Variants in RAB26 observed in about 807,000 individuals in gnomAD.
RAB26 encodes ras-related protein Rab-26.
Under a neutral mutation model 33.1 loss-of-function variants are expected in RAB26, and 39 were observed. That is an observed-to-expected ratio of 1.18 (90% CI 0.91 to 1.54). The LOEUF (loss-of-function observed/expected upper bound fraction) is 1.54. Ranked by LOEUF, RAB26 falls within the 40% of genes most tolerant of loss-of-function variation. The pLI is 0.00. For synonymous variants in RAB26, 192 were observed against 151.9 expected (o/e 1.26, Z -1.94); for missense variants, 468 against 362.9 (o/e 1.29, Z -2.35).
At chr16:2,151,529 C>G (rs763469131) in intron 2 of RAB26, 40 bp from the exon 3 acceptor site, 5 of 1,612,556 alleles carry the variant, frequency 3.1e-6, no homozygotes, top group South Asian at 1.1e-5. Flanking sequence ...AGAGGCTGGG[C>G]TGGGCCCATG....
chr16:2,150,472 C>G (rs1024584111), intron 2 of RAB26, among the ~76,000 whole-genome samples: 1 of 151,878 alleles, frequency 6.6e-6, no homozygotes, highest in Admixed American at 6.6e-5. Flanking sequence ...CGCCCACCCC[C>G]ACCCCCACCA....
intron 7 of RAB26, 28 bp downstream of exon 7, chr16:2,153,073 G>A: frequency 6.2e-7 from 1 of 1,612,020 alleles, no homozygotes; most frequent in Non-Finnish European, 8.5e-7. Context: ...GGTGGTGAGG[G>A]GGTGCCCCTG....
Position 2,149,961 on chromosome 16 carries a change from G to T in RAB26, c.216G>T (p.Ser72=), listed in dbSNP as rs772905319. The T allele has an allele frequency of 6.5e-7, 1 of 1,537,998 alleles. No individual in the cohort carries two copies. Among genetic ancestry groups the T allele is most frequent in the Non-Finnish European group, 8.8e-7 (1 of 1,140,584 alleles). The change falls in exon 2 of 9, where the codon TCG becomes TCT. Residue 72 remains serine, a synonymous_variant. Coordinates refer to ENST00000210187, the MANE Select transcript of RAB26 (RefSeq NM_014353.5). ...CCTAGGTCATGCTGGTGGGGGACTC[G>T]GGTGTGGGGAAGACCTGTCTGCTGG... ...VAFKVMLVGD[S]GVGKTCLLVR...
intron 7 of RAB26, 49 bp from the exon 8 acceptor site, chr16:2,153,097 T>A: frequency 6.2e-7 from 1 of 1,613,264 alleles, no homozygotes; most frequent in East Asian, 2.2e-5. Context: ...GCTGCGAGCC[T>A]AGGCTGTCCC....
Position 2,153,361 on chromosome 16 carries a change from C to T in RAB26, c.711C>T (p.Arg237=), listed in dbSNP as rs944114436. 6.8e-6 allele frequency: 11 copies of T among 1,613,546 alleles called. No individual in the cohort carries two copies. Among genetic ancestry groups the T allele is most frequent in the Non-Finnish European group, 8.5e-6 (10 of 1,180,036 alleles). ...CCATGAAGGCTCCCAGCGAGCCGCG[C>T]TTCCGGCTGCATGATTACGTTAAGA... is the stretch of plus-strand genomic sequence containing the variant. ...QRSMKAPSEP[R]FRLHDYVKRE... Residue 237 remains arginine (R), a synonymous_variant, in exon 9 of 9, where the codon CGC becomes CGT. Coordinates refer to ENST00000210187, the MANE Select transcript of RAB26 (RefSeq NM_014353.5).
At position 2,153,538 on chromosome 16, in the gene RAB26, C is replaced by G; in HGVS notation, c.*117C>G. The G allele has an allele frequency of 1.1e-6, 1 of 898,062 alleles. No individual in the cohort carries two copies. Among genetic ancestry groups the G allele is most frequent in the Non-Finnish European group, 1.7e-6 (1 of 580,704 alleles). The allele number at this position is 898,062 out of a possible 1,614,324, so 55.6% of individuals were successfully genotyped here. On this transcript the variant is annotated 3_prime_UTR_variant, in exon 9 of 9. Coordinates refer to ENST00000210187, the MANE Select transcript of RAB26 (RefSeq NM_014353.5). ...TGGCCAACGCCCGAGTGTCTGTTTT[C>G]AGGAGCCCCAGGTCAAGCCTTGTCC... is the stretch of plus-strand genomic sequence containing the variant.
intron 2 of RAB26, among the ~76,000 whole-genome samples, chr16:2,150,642 C>T (rs1393716296): frequency 6.6e-6 from 1 of 152,254 alleles, no homozygotes. Context: ...TCCAAGTCCC[C>T]TCAAGTCCTC....
chr16:2,149,919 C>T (rs769666852), intron 1 of RAB26, 22 bp from the exon 2 acceptor site: 2 of 1,504,500 alleles, frequency 1.3e-6, no homozygotes, highest in African/African-American at 2.8e-5. Context: ...CAGACTCCCC[C>T]CAACCCTCCT....
intron 1 of RAB26, among the ~76,000 whole-genome samples, chr16:2,149,383 A>G (rs1050004406): frequency 6.8e-5 from 10 of 147,978 alleles, no homozygotes; most frequent in Admixed American, 2.0e-4. Flanking sequence ...AGACCAAGGC[A>G]GAGGCTGTGT....
rs1255011470 is a variant in RAB26, at chr16:2,153,618, C to T, written c.*197C>T. ...GCAGGCTTCTGAGAGCCCGTGGCCG[C>T]ACACTGGCCGCCACGGAAAAGCAGT... is the stretch of plus-strand genomic sequence containing the variant. On this transcript the variant is annotated 3_prime_UTR_variant, in exon 9 of 9. Coordinates refer to ENST00000210187, the MANE Select transcript of RAB26 (RefSeq NM_014353.5). 1 of 667,516 alleles carries T rather than the reference C, an allele frequency of 1.5e-6. No homozygotes were observed. Among genetic ancestry groups the T allele is most frequent in the Non-Finnish European group, 2.7e-6 (1 of 369,414 alleles). The allele number at this position is 667,516 out of a possible 1,614,324, so 41.3% of individuals were successfully genotyped here.
chr16:2,151,604 G>A lies in RAB26; in HGVS notation c.342G>A (p.Lys114=), dbSNP rs1480022823. The A allele has an allele frequency of 1.2e-6, 2 of 1,614,038 alleles. No individual in the cohort carries two copies. The highest frequency in any genetic ancestry group is 1.7e-6 in the Non-Finnish European group (2 of 1,180,030). Residue 114 remains lysine (K), a synonymous_variant, in exon 3 of 9, where the codon AAG becomes AAA. Transcript: ENST00000210187. Reference sequence around the variant, plus strand: ...TGGACGTGGATGGTGTGAAGGTGAAGCTGCAGGTAAGGTGACTGGCAGAGG... The same window carrying A: ...TGGACGTGGATGGTGTGAAGGTGAAACTGCAGGTAAGGTGACTGGCAGAGG... ...KVLDVDGVKV[K]LQMWDTAGQE...
chr16:2,148,929 G>A lies in RAB26; in HGVS notation c.146G>A (p.Gly49Asp), dbSNP rs766917133. The A allele has an allele frequency of 2.3e-6, 3 of 1,299,386 alleles. No homozygotes were observed. Among genetic ancestry groups the A allele is most frequent in the Non-Finnish European group, 2.0e-6 (2 of 1,022,332 alleles). The allele number at this position is 1,299,386 out of a possible 1,614,324, so 80.5% of individuals were successfully genotyped here. ...DAPPNGPLQP[G>D]RPSLGGGVDF... The stretch of plus-strand genomic sequence containing the variant: ...CCGCCCAACGGGCCCTTGCAGCCCG[G>A]CCGGCCCTCGCTTGGCGGCGGTGTC... Residue 49 changes from glycine (G) to aspartate (D), a missense_variant, in exon 1 of 9, where the codon GGC (glycine) becomes GAC (aspartate). Physicochemically the swap from Gly to Asp is moderately conservative, Grantham distance 94. Transcript: ENST00000210187.
At position 2,148,886 on chromosome 16, in the gene RAB26, CTTT is replaced by C. The variant is rs1223734381; in HGVS notation, c.104_106del (p.Leu35_Ser36delinsPro). 1 of 1,362,256 alleles carries C rather than the reference CTTT, an allele frequency of 7.3e-7. No individual in the cohort carries two copies. The highest frequency in any genetic ancestry group is 9.5e-7 in the Non-Finnish European group (1 of 1,054,974). 84.4% of individuals were successfully genotyped at this position (1,362,256 alleles called of 1,614,324 possible). On this transcript the variant is annotated inframe_deletion, in exon 1 of 9. Coordinates refer to ENST00000210187, the MANE Select transcript of RAB26 (RefSeq NM_014353.5). Reference sequence around the variant, plus strand: ...CCGACCGGCGCGCTCCGGGACTGCGCTTTCCGGCCCCGACGCGCCGCCCAACGG... The same window carrying C: ...CCGACCGGCGCGCTCCGGGACTGCGCCCGGCCCCGACGCGCCGCCCAACGG...
intron 2 of RAB26, among the ~76,000 whole-genome samples, chr16:2,150,513 T>C (rs2093001469): frequency 6.9e-6 from 1 of 144,768 alleles, no homozygotes; most frequent in African/African-American, 2.5e-5. Flanking sequence ...GGTGCCGGCT[T>C]GTCCTCAGCA....
chr16:2,148,695 C>T lies in RAB26; in HGVS notation c.-89C>T, dbSNP rs961262873. 2 of 1,131,032 alleles carry T rather than the reference C, an allele frequency of 1.8e-6. No individual in the cohort carries two copies. Among genetic ancestry groups the T allele is most frequent in the Non-Finnish European group, 2.2e-6 (2 of 908,384 alleles). The allele number at this position is 1,131,032 out of a possible 1,614,324, so 70.1% of individuals were successfully genotyped here. ...CGCCGCCGCCGCCAGGGGAAGGGTT[C>T]GGGTCCGGGTCGGGCTCGGCGGGCG... is the stretch of plus-strand genomic sequence containing the variant. On this transcript the variant is annotated 5_prime_UTR_variant, in exon 1 of 9. Coordinates refer to ENST00000210187, the MANE Select transcript of RAB26 (RefSeq NM_014353.5).
intron 2 of RAB26, chr16:2,151,031 A>G (rs2093003209): frequency 3.0e-6 from 1 of 335,152 alleles, no homozygotes; most frequent in African/African-American, 2.2e-5. Context: ...GCTGCCAGGC[A>G]GTTCTGGGAT....
chr16:2,148,657 C>CCGG lies in RAB26; in HGVS notation c.-125_-124insGCG. 1.2e-6 allele frequency: 1 copy of CCGG among 808,580 alleles called. No homozygotes were observed. The highest frequency in any genetic ancestry group is 1.9e-5 in the African/African-American group (1 of 53,374). 50.1% of individuals were successfully genotyped at this position (808,580 alleles called of 1,614,324 possible). On this transcript the variant is annotated 5_prime_UTR_variant, in exon 1 of 9. Coordinates refer to ENST00000210187, the MANE Select transcript of RAB26 (RefSeq NM_014353.5). ...CCGGGCGCCCGGGATGATGCCGCCG[C>CCGG]CGCCGCCGCCGCCGCCGCCGCCGCC...
rs973082327 is a variant in RAB26 at position 2,148,722 on chromosome 16, G to A, written c.-62G>A. 1 of 1,207,262 alleles carries A rather than the reference G, an allele frequency of 8.3e-7. No homozygotes were observed. Among genetic ancestry groups the A allele is most frequent in the Non-Finnish European group, 1.0e-6 (1 of 970,014 alleles). 74.8% of individuals were successfully genotyped at this position (1,207,262 alleles called of 1,614,324 possible). On this transcript the variant is annotated 5_prime_UTR_variant, in exon 1 of 9. Coordinates refer to ENST00000210187, the MANE Select transcript of RAB26 (RefSeq NM_014353.5). ...GGTCCGGGTCGGGCTCGGCGGGCGC[G>A]GGGTGCGGGACGGCCCAGGGCACGG...
intron 6 of RAB26, 22 bp from the exon 7 acceptor site, chr16:2,152,967 C>T: frequency 6.3e-7 from 1 of 1,583,630 alleles, no homozygotes; most frequent in Non-Finnish European, 8.6e-7. Flanking sequence ...CAGCTTTCAC[C>T]AAGACCCTGT....
Sources: allele counts gnomAD v4.1 joint callset (sites outside exome capture counted in the v4.1 genomes callset), GRCh38; gene constraint gnomAD v4.1.1; transcripts MANE v1.5; gene names NCBI Gene and HGNC (gene_info 2026-07-23, HGNC 2026-07-21).